ARSB: variants seen among roughly 807,000 people sequenced by gnomAD.
ARSB encodes arylsulfatase B, also known as N-acetylgalactosamine-4-sulfatase.
In ARSB, 41 loss-of-function variants were observed where a neutral mutation model predicts 50.9. That is an observed-to-expected ratio of 0.81 (90% CI 0.63 to 1.04). The LOEUF (loss-of-function observed/expected upper bound fraction) is 1.04. Ranked by LOEUF, ARSB falls within the 50% of genes least tolerant of loss-of-function variation. The pLI is 0.00. For missense variants in ARSB, 672 were observed against 693.3 expected, an observed-to-expected ratio of 0.97 and a Z score of 0.35; for synonymous variants, 269 against 284.8, an observed-to-expected ratio of 0.94 and a Z score of 0.56.
chr5:78,931,856 T>A (rs764041115), intron 4 of ARSB, among the ~76,000 whole-genome samples: 1 of 152,068 alleles, frequency 6.6e-6, no homozygotes, highest in African/African-American at 2.4e-5. Flanking sequence ...GCTGTTCACA[T>A]GATAGTGAGT....
intron 4 of ARSB, among the ~76,000 whole-genome samples, chr5:78,943,821 G>C (rs547355744): frequency 1.3e-3 from 201 of 152,250 alleles, no homozygotes; most frequent in African/African-American, 4.6e-3. Flanking sequence ...CTGAATGTTG[G>C]CCTGCCTTGC....
intron 4 of ARSB, among the ~76,000 whole-genome samples, chr5:78,946,445 G>A (rs1027224709): frequency 6.6e-6 from 1 of 151,990 alleles, no homozygotes. Flanking sequence ...TATAAAAATC[G>A]GTAACATTTC....
intron 6 of ARSB, among the ~76,000 whole-genome samples, chr5:78,789,175 G>A (rs997640505): frequency 3.3e-5 from 5 of 152,128 alleles, no homozygotes; most frequent in African/African-American, 1.2e-4. Flanking sequence ...TCATAACAAT[G>A]CAATTTATAT....
chr5:78,875,535 C>T (rs1223616687), intron 5 of ARSB, among the ~76,000 whole-genome samples: 1 of 151,956 alleles, frequency 6.6e-6, no homozygotes, highest in Non-Finnish European at 1.5e-5. Flanking sequence ...CAGGTAAAGG[C>T]AAACAAAAAC....
At chr5:78,885,320 G>T in intron 5 of ARSB, 1 of 495,290 alleles carries the variant, frequency 2.0e-6, no homozygotes, top group Non-Finnish European at 3.4e-6. Flanking sequence ...TAAGCAAAAC[G>T]TCGCAGCTTC....
At chr5:78,905,428 A>G (rs1366913878) in intron 4 of ARSB, among the ~76,000 whole-genome samples, 1 of 144,154 alleles carries the variant, frequency 6.9e-6, no homozygotes, top group Non-Finnish European at 1.5e-5. Flanking sequence ...AGGTCTAGTT[A>G]AAATCCTCTC....
chr5:78,788,310 A>T (rs1749149858), intron 6 of ARSB, among the ~76,000 whole-genome samples: 1 of 152,228 alleles, frequency 6.6e-6, no homozygotes, highest in African/African-American at 2.4e-5. Context: ...AATATGTTAC[A>T]TAATACGTAG....
intron 6 of ARSB, among the ~76,000 whole-genome samples, chr5:78,836,206 T>C (rs1315039059): frequency 4.6e-5 from 7 of 151,956 alleles, no homozygotes; most frequent in Non-Finnish European, 8.8e-5. Context: ...TAGAGTGAAG[T>C]GAATATAAAA....
chr5:78,864,256 T>C (rs1037714731), intron 5 of ARSB, among the ~76,000 whole-genome samples: 9 of 152,100 alleles, frequency 5.9e-5, no homozygotes, highest in East Asian at 1.9e-4. Flanking sequence ...AGAGGATTAA[T>C]TGGACTACAG....
chr5:78,892,709 T>A (rs1365793673), intron 4 of ARSB, among the ~76,000 whole-genome samples: 2 of 152,150 alleles, frequency 1.3e-5, no homozygotes, highest in African/African-American at 4.8e-5. Context: ...AAAAACACTA[T>A]AACAATAGCC....
rs539855575 is a variant in ARSB, at chr5:78,911,567, C to G, written c.899-25740G>C. ...CCAGCCTGGGGAACAGAGTGAGACT[C>G]CCTCTAAAAAAAAAAAAAAAAAAAA... On this transcript the variant is annotated intron_variant, in intron 4 of 7. Transcript: ENST00000264914. Among the ~76,000 whole-genome samples, 8 of 95,226 alleles carry G rather than the reference C, an allele frequency of 8.4e-5. 1 individual carries two copies. The South Asian group carries it at 3.4e-3, about 40-fold the overall frequency. The allele number at this position is 95,226 out of a possible 152,430, so 62.5% of individuals were successfully genotyped here.
chr5:78,875,075 T>C (rs893497860), intron 5 of ARSB, among the ~76,000 whole-genome samples: 47 of 152,318 alleles, frequency 3.1e-4, no homozygotes, highest in African/African-American at 1.1e-3. Context: ...ATTGCACCAC[T>C]GCACTCTAGC....
chr5:78,888,115 G>A (rs1051140537), intron 4 of ARSB, among the ~76,000 whole-genome samples: 9 of 151,778 alleles, frequency 5.9e-5, no homozygotes, highest in African/African-American at 1.9e-4. Flanking sequence ...CACATGGGTC[G>A]GTGACAGACA....
At chr5:78,943,236 T>C (rs1158312373) in intron 4 of ARSB, among the ~76,000 whole-genome samples, 1 of 152,224 alleles carries the variant, frequency 6.6e-6, no homozygotes, top group Non-Finnish European at 1.5e-5. Flanking sequence ...CTTTATCCAA[T>C]TTGCCAGTCT....
intron 4 of ARSB, among the ~76,000 whole-genome samples, chr5:78,895,064 T>C (rs541577049): frequency 6.6e-6 from 1 of 151,920 alleles, no homozygotes; most frequent in South Asian, 2.1e-4. Context: ...AACAAACAAA[T>C]CAAAACAAAT....
At chr5:78,837,908 A>G in intron 6 of ARSB, among the ~76,000 whole-genome samples, 1 of 152,186 alleles carries the variant, frequency 6.6e-6, no homozygotes, top group Non-Finnish European at 1.5e-5. Context: ...GTTTACTCCA[A>G]AAGAAATAGA....
rs1554089424 is a variant in ARSB at position 78,980,744 on chromosome 5, G to GTGTA, written c.312+4192_312+4193insTACA. Among the ~76,000 whole-genome samples, 370 of 151,616 alleles carry GTGTA rather than the reference G, an allele frequency of 2.4e-3. 4 individuals carry two copies. The highest frequency in any genetic ancestry group is 8.3e-3 in the African/African-American group (344 of 41,370). ...TAAGGAAGTGTGTGTATGTGTGTGT[G>GTGTA]TGTGTGTGTGTTTTGGTAGATTTTC... On this transcript the variant is annotated intron_variant, in intron 1 of 7. Coordinates refer to ENST00000264914, the MANE Select transcript of ARSB (RefSeq NM_000046.5).
chr5:78,937,325 T>TATATATATCATATATGTAAG (rs1561512520), intron 4 of ARSB, among the ~76,000 whole-genome samples: 1 of 57,970 alleles, frequency 1.7e-5, no homozygotes, highest in African/African-American at 1.0e-4. Flanking sequence ...ATATGTAAGA[T>TATATATATCATATATGTAAG]ATATATATGT....
At chr5:78,977,798 C>T (rs1752731401) in intron 1 of ARSB, among the ~76,000 whole-genome samples, 1 of 151,990 alleles carries the variant, frequency 6.6e-6, no homozygotes, top group African/African-American at 2.4e-5. Context: ...CATGATCTTG[C>T]ACTAAAAAAC....
Sources: gnomAD v4.1 joint callset for allele counts (sites outside exome capture counted in the v4.1 genomes callset) on GRCh38, gnomAD v4.1.1 for gene constraint, MANE v1.5 for transcripts, NCBI Gene and HGNC (gene_info 2026-07-23, HGNC 2026-07-21) for gene names.